UNC79: variants seen among roughly 807,000 people sequenced by gnomAD.
UNC79 encodes the protein unc-79 subunit of NALCN channel complex.
A neutral mutation model predicts 283.1 loss-of-function variants in UNC79; 37 were observed. That is an observed-to-expected ratio of 0.13 (90% CI 0.10 to 0.17). The LOEUF is 0.17. Among genes scored for constraint, UNC79 ranks in the 10% least tolerant of loss-of-function variants. The pLI, the probability that UNC79 is intolerant of heterozygous loss-of-function variation, is 1.00. For synonymous variants in UNC79, 1,107 were observed against 1,200.2 expected, an observed-to-expected ratio of 0.92 and a Z score of 1.61; for missense variants, 2,272 against 3,211.1, an observed-to-expected ratio of 0.71 and a Z score of 7.07.
chr14:93,370,449 C>T (rs1393287601), intron 1 of UNC79, among the ~76,000 whole-genome samples: 1 of 152,176 alleles, frequency 6.6e-6, no homozygotes, highest in African/African-American at 2.4e-5. Context: ...AGACTAGACA[C>T]AGCTGAAGAA....
At chr14:93,658,733 A>G (rs1188679235) in intron 38 of UNC79, among the ~76,000 whole-genome samples, 1 of 152,126 alleles carries the variant, frequency 6.6e-6, no homozygotes, top group African/African-American at 2.4e-5. Flanking sequence ...TGGTTTTTTT[A>G]AAAATAGATC....
At chr14:93,491,271 A>C (rs149612840) in intron 5 of UNC79, among the ~76,000 whole-genome samples, 5 of 152,080 alleles carry the variant, frequency 3.3e-5, no homozygotes, top group Non-Finnish European at 5.9e-5. Context: ...TTCTTTAAGT[A>C]TGAAATCTCT....
At chr14:93,676,139 C>T (rs2073323705) in intron 41 of UNC79, among the ~76,000 whole-genome samples, 1 of 152,192 alleles carries the variant, frequency 6.6e-6, no homozygotes, top group South Asian at 2.1e-4. Context: ...TCACTGCAAC[C>T]TCTGCCTCCC....
intron 22 of UNC79, among the ~76,000 whole-genome samples, chr14:93,593,226 C>T (rs547009428): frequency 3.2e-4 from 48 of 152,190 alleles, no homozygotes; most frequent in African/African-American, 1.1e-3. Flanking sequence ...TGATTGATGA[C>T]CTGTCTGTTC....
chr14:93,460,651 G>C (rs1287702047), intron 1 of UNC79, among the ~76,000 whole-genome samples: 1 of 151,966 alleles, frequency 6.6e-6, no homozygotes, highest in Non-Finnish European at 1.5e-5. Context: ...AATTCTTACC[G>C]AGAGCTTTAA....
At chr14:93,643,748 C>CT in intron 34 of UNC79, 51 bp downstream of exon 37, 1 of 1,584,652 alleles carries the variant, frequency 6.3e-7, no homozygotes, top group Non-Finnish European at 8.5e-7. Flanking sequence ...TATTCAGTCT[C>CT]TATCTTGAAC....
chr14:93,701,376 G>A (rs1293041057), intron 47 of UNC79, among the ~76,000 whole-genome samples: 49 of 152,122 alleles, frequency 3.2e-4, no homozygotes, highest in Admixed American at 3.2e-3. Context: ...TAATTTTGAG[G>A]GCTGGAATAA....
chr14:93,575,104 G>A, exon 17 of UNC79: 2 of 1,613,772 alleles, frequency 1.2e-6, no homozygotes, highest in Non-Finnish European at 8.5e-7. Context: ...CTACTAATAA[G>A]TATGTTTTCT....
At chr14:93,664,819 G>A (rs2071996556) in intron 40 of UNC79, among the ~76,000 whole-genome samples, 1 of 152,098 alleles carries the variant, frequency 6.6e-6, no homozygotes, top group Non-Finnish European at 1.5e-5. Flanking sequence ...ATATCTGGCA[G>A]AAGCAAGATC....
intron 1 of UNC79, among the ~76,000 whole-genome samples, chr14:93,385,646 G>A (rs1231999482): frequency 6.6e-6 from 1 of 151,948 alleles, no homozygotes; most frequent in East Asian, 1.9e-4. Context: ...AGGCGTGTTG[G>A]TGCACACCTG....
At chr14:93,549,140 T>G (rs530901656) in intron 14 of UNC79, among the ~76,000 whole-genome samples, 11 of 152,358 alleles carry the variant, frequency 7.2e-5, no homozygotes, top group African/African-American at 2.2e-4. Context: ...TACTTAGAAG[T>G]GATCTAGATT....
At position 93,563,757 on chromosome 14, in the gene UNC79, C is replaced by T. The variant is rs138652109; in HGVS notation, c.1756-8137C>T. On this transcript the variant is annotated intron_variant, in intron 14 of 48. Coordinates refer to ENST00000555664, the Ensembl canonical transcript of UNC79. Reference sequence around the variant, plus strand: ...GTCAGGTAGATCAGAGAGATATAGTCATGGGGGTCAGGTGTAGTATCCAGA... The same window carrying T: ...GTCAGGTAGATCAGAGAGATATAGTTATGGGGGTCAGGTGTAGTATCCAGA... Among the ~76,000 whole-genome samples the T allele has an allele frequency of 1.9e-3, 290 of 152,144 alleles. 1 individual carries two copies. Among genetic ancestry groups the T allele is most frequent in the African/African-American group, 6.5e-3 (268 of 41,488 alleles).
intron 1 of UNC79, among the ~76,000 whole-genome samples, chr14:93,415,838 T>C (rs2055441845): frequency 6.6e-6 from 1 of 151,738 alleles, no homozygotes; most frequent in African/African-American, 2.4e-5. Flanking sequence ...CTGATGGTAG[T>C]TTGTATTTCT....
rs59058670 is a variant in UNC79 at position 93,556,282 on chromosome 14, A to C, written c.1755+13586A>C. On this transcript the variant is annotated intron_variant, in intron 14 of 48. Transcript: ENST00000555664. ...ATGGCTTTTTATGTATGTAAACACAAAAAAAAAGGAGTATCACCCTGTGGT... is the reference window on the plus strand; with the variant it reads ...ATGGCTTTTTATGTATGTAAACACACAAAAAAAGGAGTATCACCCTGTGGT... Among the ~76,000 whole-genome samples, 444 of 139,542 alleles carry C rather than the reference A, an allele frequency of 3.2e-3. 2 individuals are homozygous for C. Among genetic ancestry groups the C allele is most frequent in the African/African-American group, 9.7e-3 (290 of 29,804 alleles). The allele number at this position is 139,542 out of a possible 152,430, so 91.5% of individuals were successfully genotyped here. A position where few individuals can be genotyped will look rare whatever the true frequency, so the allele number is the denominator to read the frequency against.
At chr14:93,661,613 A>G (rs1211034886) in intron 39 of UNC79, among the ~76,000 whole-genome samples, 7 of 152,210 alleles carry the variant, frequency 4.6e-5, no homozygotes, top group Non-Finnish European at 1.0e-4. Context: ...TCTTAGGCAA[A>G]TTGCTTGTCT....
At chr14:93,699,565 C>T (rs1037279090) in intron 47 of UNC79, among the ~76,000 whole-genome samples, 1 of 152,030 alleles carries the variant, frequency 6.6e-6, no homozygotes, top group Non-Finnish European at 1.5e-5. Flanking sequence ...TATCTTTTAG[C>T]TGTATGTCTT....
chr14:93,522,768 G>T (rs916273822), intron 7 of UNC79, among the ~76,000 whole-genome samples: 2 of 151,896 alleles, frequency 1.3e-5, no homozygotes, highest in African/African-American at 2.4e-5. Context: ...TGTATTTCTT[G>T]TCTTCTTTTC....
intron 1 of UNC79, among the ~76,000 whole-genome samples, chr14:93,440,227 C>T (rs1355902623): frequency 2.1e-5 from 3 of 144,400 alleles, no homozygotes; most frequent in Non-Finnish European, 4.5e-5. Context: ...ATTTTGGTAC[C>T]TGCAGAAGGT....
exon 21 of UNC79, chr14:93,586,660 A>G (rs2064242735): frequency 6.2e-7 from 1 of 1,613,780 alleles, no homozygotes; most frequent in African/African-American, 1.3e-5. Context: ...TGAGACTAAT[A>G]TATACCATTT....
Sources: gnomAD v4.1 joint callset for allele counts (sites outside exome capture counted in the v4.1 genomes callset) on GRCh38, gnomAD v4.1.1 for gene constraint, MANE v1.5 for transcripts, NCBI Gene and HGNC (gene_info 2026-07-23, HGNC 2026-07-21) for gene names.